Variants in ZNF236 observed in about 807,000 individuals in gnomAD.
ZNF236 encodes the protein zinc finger protein 236, also known as regulated by glucose.
ZNF236 carries 50 observed loss-of-function variants against 191.2 expected under a neutral mutation model. That is an observed-to-expected ratio of 0.26 (90% confidence interval 0.21 to 0.33). The LOEUF (loss-of-function observed/expected upper bound fraction) is 0.33, where lower values mean the gene tolerates loss of function less well. Ranked by LOEUF, ZNF236 falls within the 10% of genes least tolerant of loss-of-function variation. The pLI is 1.00. For missense variants in ZNF236, 1,754 were observed against 2,374.5 expected (o/e 0.74, Z 5.43); for synonymous variants, 907 against 928.8 (o/e 0.98, Z 0.43).
chr18:76,915,499 T>C (rs1599390060), intron 18 of ZNF236, 148 bp from the exon 19 acceptor site: 1 of 67,818 alleles, frequency 1.5e-5, no homozygotes, highest in Non-Finnish European at 3.4e-5. Flanking sequence ...TGTAATTTAC[T>C]TTTTTTTTTT....
rs182435676 is a variant in ZNF236, at chr18:76,908,458, G to C, written c.2436G>C (p.Glu812Asp). The change falls in exon 14 of 31, where the codon GAG (glutamate) becomes GAC (aspartate). Residue 812 changes from glutamate to aspartate, a missense_variant. Physicochemically the swap from Glu to Asp is conservative, Grantham distance 45. Around this residue, in one of 5 missense-constraint regions of ZNF236, gnomAD observed 641 missense variants for 869.6 expected, o/e 0.74. Transcript: ENST00000320610. ...IESDELPQTAEVVAANPEAML... is the reference protein window; with the variant it reads ...IESDELPQTADVVAANPEAML... ...GCGACGAGCTGCCGCAGACGGCAGA[G>C]GTGGTCGCAGCGAACCCCGAGGCCA... 1 of 1,614,110 alleles carries C rather than the reference G, an allele frequency of 6.2e-7. No homozygotes were observed. Among genetic ancestry groups the C allele is most frequent in the Non-Finnish European group, 8.5e-7 (1 of 1,180,064 alleles).
At chr18:76,945,635 A>C (rs1339521317) in intron 26 of ZNF236, among the ~76,000 whole-genome samples, 2 of 152,120 alleles carry the variant, frequency 1.3e-5, no homozygotes, top group East Asian at 3.9e-4. Flanking sequence ...GAGAATACAA[A>C]AATTAGCCAC....
Position 76,878,011 on chromosome 18 carries a change from C to A in ZNF236, c.843C>A (p.Val281=), listed in dbSNP as rs779622373. The A allele has an allele frequency of 1.7e-5, 27 of 1,570,206 alleles. No individual in the cohort carries two copies. Among genetic ancestry groups the A allele is most frequent in the Middle Eastern group, 1.7e-4 (1 of 5,872 alleles). The change falls in exon 7 of 31, where the codon GTC becomes GTA. Residue 281 remains valine (V), a splice_region_variant and synonymous_variant. Transcript: ENST00000320610. ...TTTTTTCCTTTTTATTCTTTAAGGT[C>A]AAGAATGGTCCTACCTATAACTGTA... ...QSHVQRVHSE[V]KNGPTYNCTE... is the part of the protein sequence containing the mutation.
intron 9 of ZNF236, chr18:76,888,431 T>G (rs1447350847): frequency 6.6e-6 from 1 of 152,228 alleles, no homozygotes; most frequent in Admixed American, 6.5e-5. Context: ...AGAAGGTGAG[T>G]CAAGCTGTTG....
Position 76,947,634 on chromosome 18 carries a change from T to C in ZNF236, c.4896T>C (p.Cys1632=). ...CGCCACAGTCAGCGTCTGCTGCTTG[T>C]GAAGAAATAGCCTACCAGGTACAGG... ...SHTPQSASAA[C]EEIAYQVAGV... is the part of the protein sequence containing the mutation. The change falls in exon 27 of 31, where the codon TGT becomes TGC. Residue 1632 remains cysteine (C), a synonymous_variant. Transcript: ENST00000320610. The C allele has an allele frequency of 6.2e-7, 1 of 1,613,766 alleles. No homozygotes were observed. The highest frequency in any genetic ancestry group is 8.5e-7 in the Non-Finnish European group (1 of 1,179,840).
chr18:76,924,220 G>C (rs987638602), intron 21 of ZNF236, among the ~76,000 whole-genome samples: 1 of 152,134 alleles, frequency 6.6e-6, no homozygotes, highest in Non-Finnish European at 1.5e-5. Context: ...GGAGGGCCCG[G>C]CATCACTTAT....
In ZNF236 at chr18:76,971,515, G is replaced by A. The variant is rs1968908538; in HGVS notation, c.*3176G>A. ...CTTCGTGCATATTTTCTACTCCCCT[G>A]TTGTAATATTTTAAGGAAACTTGAT... On this transcript the variant is annotated 3_prime_UTR_variant, in exon 31 of 31. Transcript: ENST00000320610. Among the ~76,000 whole-genome samples, 1 of 152,150 alleles carries A rather than the reference G, an allele frequency of 6.6e-6. No homozygotes were observed. Among genetic ancestry groups the A allele is most frequent in the Non-Finnish European group, 1.5e-5 (1 of 68,020 alleles).
At chr18:76,955,352 G>A (rs182080726) in intron 27 of ZNF236, among the ~76,000 whole-genome samples, 42 of 152,304 alleles carry the variant, frequency 2.8e-4, no homozygotes, top group Non-Finnish European at 2.9e-5. Context: ...AGGAGTTTGA[G>A]GCTGTCCTGA....
At chr18:76,913,941 A>C (rs1487685089) in intron 18 of ZNF236, 43 bp downstream of exon 18, 3 of 1,607,166 alleles carry the variant, frequency 1.9e-6, no homozygotes, top group Non-Finnish European at 2.6e-6. Context: ...CTTTAAAGAA[A>C]AAAGCTTTAT....
chr18:76,900,061 A>G (rs193118503), intron 11 of ZNF236, among the ~76,000 whole-genome samples: 70 of 152,328 alleles, frequency 4.6e-4, no homozygotes, highest in Middle Eastern at 6.8e-3. Flanking sequence ...GTGTGAATTT[A>G]CATTTTTATG....
chr18:76,855,835 G>A (rs942299264), intron 3 of ZNF236, among the ~76,000 whole-genome samples: 1 of 152,182 alleles, frequency 6.6e-6, no homozygotes, highest in East Asian at 1.9e-4. Context: ...AGCCTCCATT[G>A]CTACGAGTGA....
chr18:76,921,627 G>A (rs1210241987), intron 20 of ZNF236, among the ~76,000 whole-genome samples: 2 of 152,104 alleles, frequency 1.3e-5, no homozygotes, highest in African/African-American at 4.8e-5. Context: ...TGACCTGCCT[G>A]TGGGTGGGGC....
Position 76,968,723 on chromosome 18 carries a change from A to C in ZNF236, c.*384A>C. ...GAAAAAGTATGTCAGATTTTCCTTC[A>C]TGTTTCTGGTTATAAGAAGCATAGC... On this transcript the variant is annotated 3_prime_UTR_variant, in exon 31 of 31. Coordinates refer to ENST00000320610, the MANE Select transcript of ZNF236 (RefSeq NM_001306089.2). 1.0e-6 allele frequency: 1 copy of C among 999,922 alleles called. No homozygotes were observed. The highest frequency in any genetic ancestry group is 1.2e-6 in the Non-Finnish European group (1 of 839,712). The allele number at this position is 999,922 out of a possible 1,614,324, so 61.9% of individuals were successfully genotyped here.
At chr18:76,937,936 C>A (rs1019152785) in intron 26 of ZNF236, among the ~76,000 whole-genome samples, 2 of 152,134 alleles carry the variant, frequency 1.3e-5, no homozygotes, top group Non-Finnish European at 2.9e-5. Flanking sequence ...TGAATTATAA[C>A]AAAGCTATGC....
At chr18:76,921,717 G>A (rs750939091) in intron 20 of ZNF236, among the ~76,000 whole-genome samples, 1 of 145,832 alleles carries the variant, frequency 6.9e-6, no homozygotes, top group Non-Finnish European at 1.5e-5. Flanking sequence ...TGTACCTGAA[G>A]ACCAGAAGAG....
At chr18:76,860,653 C>G (rs1391565000) in intron 3 of ZNF236, among the ~76,000 whole-genome samples, 1 of 152,178 alleles carries the variant, frequency 6.6e-6, no homozygotes, top group Non-Finnish European at 1.5e-5. Flanking sequence ...GTGCAGCCTA[C>G]TCTCATCCAA....
At chr18:76,866,501 G>A (rs754722605) in intron 3 of ZNF236, among the ~76,000 whole-genome samples, 2 of 152,188 alleles carry the variant, frequency 1.3e-5, no homozygotes, top group East Asian at 1.9e-4. Context: ...GCTGCCATCC[G>A]AGGGCCGGGG....
chr18:76,824,957 A>T (rs1457183251), intron 1 of ZNF236, among the ~76,000 whole-genome samples: 2 of 152,146 alleles, frequency 1.3e-5, no homozygotes, highest in Admixed American at 1.3e-4. Flanking sequence ...GAACTTGTTA[A>T]ATGTAAATCA....
At chr18:76,908,185 T>C (rs1699120538) in intron 13 of ZNF236, 135 bp from the exon 14 acceptor site, 1 of 1,200,754 alleles carries the variant, frequency 8.3e-7, no homozygotes, top group Non-Finnish European at 1.2e-6. Context: ...TTACCTGAAT[T>C]GCCATCATGA....
Sources: allele counts gnomAD v4.1 joint callset (sites outside exome capture counted in the v4.1 genomes callset), GRCh38; gene constraint gnomAD v4.1.1; regional missense constraint gnomAD v4.1.1; transcripts MANE v1.5; gene names NCBI Gene and HGNC (gene_info 2026-07-23, HGNC 2026-07-21).